Variants in ACOT1 observed in about 807,000 individuals in gnomAD.
The protein encoded by ACOT1 is acyl-CoA thioesterase 1.
A neutral mutation model predicts 15.7 loss-of-function variants in ACOT1; 8 were observed. That is an observed-to-expected ratio of 0.51 (90% confidence interval 0.30 to 0.92). The LOEUF is 0.92. Ranked by LOEUF, ACOT1 falls within the 40% of genes least tolerant of loss-of-function variation. The pLI is 0.06. For missense variants in ACOT1, 151 were observed against 539.4 expected (o/e 0.28, Z 7.13); for synonymous variants, 67 against 241.2 (o/e 0.28, Z 6.69).
At chr14:73,501,910 C>T in the ACOT1 span, among the ~76,000 whole-genome samples, 5 of 151,962 alleles carry the variant, frequency 3.3e-5, no homozygotes, top group Non-Finnish European at 5.9e-5. Flanking sequence ...CCCGCCACCA[C>T]GCCCTTTTGT....
At chr14:73,498,274 C>T in the ACOT1 span, 25 of 1,614,090 alleles carry the variant, frequency 1.5e-5, no homozygotes, top group Non-Finnish European at 1.9e-5. Flanking sequence ...CACCTGGTGA[C>T]TCTTCATAGT....
chr14:73,535,469 C>CTTTTTTTTTTTTTTTTTTTT (rs869167008), upstream of ACOT1, among the ~76,000 whole-genome samples: 4 of 16,538 alleles, frequency 2.4e-4, no homozygotes, highest in Non-Finnish European at 2.8e-4. Flanking sequence ...TTTCTTCTTT[C>CTTTTTTTTTTTTTTTTTTTT]TTTTTTTTTT....
chr14:73,520,593 TTACAGTTCCAC>T, the ACOT1 span: 2 of 363,224 alleles, frequency 5.5e-6, no homozygotes, highest in Non-Finnish European at 9.9e-6. Context: ...CTTGCCAACT[TTACAGTTCCAC>T]CCTTCATTGC....
chr14:73,530,968 T>C, the ACOT1 span: 5 of 99,044 alleles, frequency 5.0e-5, no homozygotes, highest in Admixed American at 1.2e-4. Flanking sequence ...ATCCCAAAAC[T>C]GGGGCCCAGA....
the ACOT1 span, among the ~76,000 whole-genome samples, chr14:73,499,653 T>C: frequency 1.1e-4 from 17 of 152,324 alleles, no homozygotes; most frequent in African/African-American, 4.1e-4. Context: ...TTATCTGCTA[T>C]TGATTTTCTC....
In ACOT1 at chr14:73,542,334, T is replaced by C. The variant is rs1321635575; in HGVS notation, c.660+639T>C. Among the ~76,000 whole-genome samples the C allele has an allele frequency of 2.7e-5, 3 of 110,056 alleles. 1 individual carries two copies. The highest frequency in any genetic ancestry group is 5.8e-5 in the Non-Finnish European group (3 of 51,876). The allele number at this position is 110,056 out of a possible 152,430, so 72.2% of individuals were successfully genotyped here. ...GTTTCTATTCAATTCTATATTACTA[T>C]ATTTCCTGCTAGTAAAGATATTTGT... On this transcript the variant is annotated intron_variant, in intron 2 of 2. Transcript: ENST00000311148.
chr14:73,491,092 C>T, the ACOT1 span: 2 of 1,600,730 alleles, frequency 1.2e-6, no homozygotes, highest in Admixed American at 1.7e-5. Context: ...CCCAGCCACA[C>T]AGCGGGTCGG....
At chr14:73,531,094 T>C in the ACOT1 span, 2 of 110,676 alleles carry the variant, frequency 1.8e-5, 1 homozygote, top group Non-Finnish European at 3.9e-5. Context: ...ATCTTCCAGC[T>C]GACACCATCC....
the ACOT1 span, among the ~76,000 whole-genome samples, chr14:73,513,248 C>A: frequency 6.6e-6 from 1 of 152,204 alleles, no homozygotes; most frequent in African/African-American, 2.4e-5. Flanking sequence ...CACCTGAAGT[C>A]AGGAGTTCGA....
chr14:73,519,800 A>G, the ACOT1 span, among the ~76,000 whole-genome samples: 1 of 152,146 alleles, frequency 6.6e-6, no homozygotes, highest in African/African-American at 2.4e-5. Context: ...GGCGGATCAC[A>G]AGGTCAAGAG....
the ACOT1 span, among the ~76,000 whole-genome samples, chr14:73,524,310 A>AAAT: frequency 3.6e-3 from 197 of 54,774 alleles, 3 homozygotes; most frequent in African/African-American, 4.9e-3. Flanking sequence ...AAAAAAAAAA[A>AAAT]ATATATATAT....
the ACOT1 span, chr14:73,519,290 T>C: frequency 2.4e-6 from 2 of 819,192 alleles, no homozygotes; most frequent in Non-Finnish European, 3.7e-6. Flanking sequence ...GATCCATGAC[T>C]GCCATACTCT....
At chr14:73,492,815 G>T in the ACOT1 span, 5 of 1,613,804 alleles carry the variant, frequency 3.1e-6, no homozygotes, top group Non-Finnish European at 4.2e-6. The surrounding 1 kb of genome is among the most constrained non-coding windows in gnomAD (Gnocchi z 4.9). Flanking sequence ...ACTGTTGCTT[G>T]GTTCTTATCC....
chr14:73,492,574 G>A, the ACOT1 span: 3 of 1,613,912 alleles, frequency 1.9e-6, no homozygotes, highest in Non-Finnish European at 1.7e-6. This position sits in a 1 kb window ranked among gnomAD's most constrained non-coding sequence, Gnocchi z 4.9. Flanking sequence ...ATAGGGAGAG[G>A]GCACTAAGTG....
At chr14:73,491,360 C>A in the ACOT1 span, 1 of 1,381,574 alleles carries the variant, frequency 7.2e-7, no homozygotes. Context: ...CGCGCGCTCC[C>A]TGCAGACCCC....
chr14:73,537,277 T>C lies in ACOT1; in HGVS notation c.-145T>C, dbSNP rs1233795352. The C allele has an allele frequency of 1.5e-4, 107 of 730,464 alleles. 22 individuals are homozygous for C. In the South Asian group the frequency reaches 2.1e-3, roughly 14 times the overall value. 45.2% of individuals were successfully genotyped at this position (730,464 alleles called of 1,614,324 possible). ...TTGGTCTGGCTGATCGGCTGGACTC[T>C]GGCCTTCCCCGCTCACATTAGCAGA... is the stretch of plus-strand genomic sequence containing the variant. On this transcript the variant is annotated 5_prime_UTR_variant, in exon 1 of 3. Transcript: ENST00000311148.
the ACOT1 span, chr14:73,491,932 T>A: frequency 1.9e-5 from 31 of 1,613,664 alleles, no homozygotes; most frequent in Non-Finnish European, 2.6e-5. Context: ...AGGCTTTCTC[T>A]ACTACTGTGT....
rs148022434 is a variant in ACOT1 at position 73,539,069 on chromosome 14, T to A, written c.457+1191T>A. 2.4e-3 allele frequency among the ~76,000 whole-genome samples: 280 copies of A among 116,134 alleles called. 127 individuals are homozygous for A. In the East Asian group the frequency reaches 0.18, roughly 73 times the overall value. The allele number at this position is 116,134 out of a possible 152,430, so 76.2% of individuals were successfully genotyped here. On this transcript the variant is annotated intron_variant, in intron 1 of 2. Coordinates refer to ENST00000311148, the MANE Select transcript of ACOT1 (RefSeq NM_001037161.2). ...TGGACCAGGAAGTCACTTTTTTTTTTAATAAAAAGAATTCCAACTGGTTTT... is the reference window on the plus strand; with the variant it reads ...TGGACCAGGAAGTCACTTTTTTTTTAAATAAAAAGAATTCCAACTGGTTTT...
chr14:73,502,742 T>C, the ACOT1 span, among the ~76,000 whole-genome samples: 1 of 151,942 alleles, frequency 6.6e-6, no homozygotes, highest in Non-Finnish European at 1.5e-5. Flanking sequence ...AAAGACAGGG[T>C]TTTACTGTGT....
Sources: allele counts gnomAD v4.1 joint callset (sites outside exome capture counted in the v4.1 genomes callset), GRCh38; gene constraint gnomAD v4.1.1; non-coding constraint Gnocchi (gnomAD v3.1); transcripts MANE v1.5; gene names NCBI Gene and HGNC (gene_info 2026-07-23, HGNC 2026-07-21).